Variants in DUSP16 observed in about 807,000 individuals in gnomAD.
DUSP16 encodes dual specificity protein phosphatase 16.
A neutral mutation model predicts 58.3 loss-of-function variants in DUSP16; 21 were observed. The observed-to-expected ratio is 0.36, with a 90% CI of 0.26 to 0.52. The LOEUF (loss-of-function observed/expected upper bound fraction) is 0.52. Among genes scored for constraint, DUSP16 ranks in the 20% least tolerant of loss-of-function variants. The pLI, the probability that DUSP16 is intolerant of heterozygous loss-of-function variation, is 0.94. For missense variants in DUSP16, 726 were observed against 819.0 expected (o/e 0.89, Z 1.39); for synonymous variants, 320 against 323.8 (o/e 0.99, Z 0.12).
chr12:12,486,477 T>TGA (rs994604105), intron 5 of DUSP16, among the ~76,000 whole-genome samples: 2 of 113,846 alleles, frequency 1.8e-5, no homozygotes, highest in African/African-American at 6.5e-5. Flanking sequence ...AATAACCAAA[T>TGA]GAGAGTGTGT....
chr12:12,502,713 G>A (rs1469405315), intron 3 of DUSP16, among the ~76,000 whole-genome samples: 9 of 151,814 alleles, frequency 5.9e-5, no homozygotes, highest in Non-Finnish European at 8.8e-5. Flanking sequence ...CACCACCCTC[G>A]GCTAATTTTG....
Position 12,521,346 on chromosome 12 carries a change from A to G in DUSP16, c.-248T>C, listed in dbSNP as rs1944234252. On this transcript the variant is annotated 5_prime_UTR_variant, in exon 2 of 7. An upstream start codon of the reference 5' UTR is lost. Transcript: ENST00000298573. The stretch of plus-strand genomic sequence containing the variant: ...CAAAGCAGCCCCTCACATTTGATTC[A>G]TAAAGAGATGACTGGAATAACCATT... 2.2e-6 allele frequency: 3 copies of G among 1,377,704 alleles called. No individual in the cohort carries two copies. In the Admixed American group the frequency reaches 9.2e-5, roughly 42 times the overall value. 85.3% of individuals were successfully genotyped at this position (1,377,704 alleles called of 1,614,324 possible).
At chr12:12,520,793 A>G in intron 2 of DUSP16, 78 bp downstream of exon 2, 1 of 1,531,552 alleles carries the variant, frequency 6.5e-7, no homozygotes, top group Non-Finnish European at 8.9e-7. Flanking sequence ...TCTCTACTTA[A>G]AGAGGAGGCT....
chr12:12,489,092 CAAACA>C (rs1943726332), intron 4 of DUSP16, among the ~76,000 whole-genome samples: 1 of 151,976 alleles, frequency 6.6e-6, no homozygotes, highest in African/African-American at 2.4e-5. Flanking sequence ...AACAAACACA[CAAACA>C]AAAAAGTGGA....
intron 4 of DUSP16, among the ~76,000 whole-genome samples, chr12:12,491,084 C>T (rs1005133139): frequency 9.4e-5 from 14 of 149,612 alleles, no homozygotes; most frequent in African/African-American, 3.3e-4. Context: ...GAAAAGATGT[C>T]GTGAAATCTC....
At chr12:12,505,567 C>CA (rs547179585) in intron 3 of DUSP16, among the ~76,000 whole-genome samples, 157 of 152,308 alleles carry the variant, frequency 1.0e-3, no homozygotes, top group African/African-American at 3.5e-3. Context: ...GGTCACCCCC[C>CA]ACAGAACAAC....
chr12:12,520,145 C>A (rs1592191060), intron 2 of DUSP16, 145 bp from the exon 3 acceptor site: 1 of 873,134 alleles, frequency 1.1e-6, no homozygotes, highest in Admixed American at 2.8e-5. Context: ...GAGATGTAGT[C>A]AATTTACGAG....
chr12:12,561,460 C>A (rs1290031106), intron 1 of DUSP16, among the ~76,000 whole-genome samples: 1 of 152,210 alleles, frequency 6.6e-6, no homozygotes, highest in African/African-American at 2.4e-5. Context: ...TGAAACTACA[C>A]GTGATACACA....
chr12:12,500,721 A>G (rs376564127), intron 3 of DUSP16, 39 bp from the exon 4 acceptor site: 20 of 1,478,014 alleles, frequency 1.4e-5, no homozygotes, highest in Non-Finnish European at 1.6e-5. Flanking sequence ...AAATTATGCC[A>G]CGCACAAAAT....
intron 1 of DUSP16, among the ~76,000 whole-genome samples, chr12:12,527,087 A>C (rs1206340283): frequency 1.3e-5 from 2 of 152,230 alleles, no homozygotes; most frequent in Non-Finnish European, 2.9e-5. Flanking sequence ...ATTTAGTTTT[A>C]TTTGGTTGGG....
intron 1 of DUSP16, among the ~76,000 whole-genome samples, chr12:12,548,635 AAAAAAAAAAAAAG>A (rs995444381): frequency 7.0e-6 from 1 of 143,042 alleles, no homozygotes; most frequent in Admixed American, 6.9e-5. Context: ...TGTCTCAAAA[AAAAAAAAAAAAAG>A]AAAAAGAAAA....
At chr12:12,524,340 T>C (rs1444887565) in intron 1 of DUSP16, among the ~76,000 whole-genome samples, 1 of 152,214 alleles carries the variant, frequency 6.6e-6, no homozygotes, top group Non-Finnish European at 1.5e-5. Flanking sequence ...TGAGGCCAGC[T>C]GGAGTCCTCC....
At chr12:12,488,909 A>G (rs1565984821) in intron 4 of DUSP16, among the ~76,000 whole-genome samples, 1 of 152,124 alleles carries the variant, frequency 6.6e-6, no homozygotes, top group East Asian at 1.9e-4. Flanking sequence ...GAGAAACCCC[A>G]ACTCTACTAA....
intron 1 of DUSP16, among the ~76,000 whole-genome samples, chr12:12,528,177 CCT>C (rs1159126608): frequency 1.3e-5 from 2 of 152,310 alleles, no homozygotes; most frequent in African/African-American, 4.8e-5. Context: ...CCCCTCCCAA[CCT>C]TCCTCTTTCC....
Position 12,477,161 on chromosome 12 carries a change from C to T in DUSP16, c.1670G>A (p.Trp557Ter). The change falls in exon 7 of 7, where the codon TGG (tryptophan) becomes TAG (stop). Residue 557 changes from tryptophan (W) to a stop codon, truncating the protein, a stop_gained. Coordinates refer to ENST00000298573, the MANE Select transcript of DUSP16 (RefSeq NM_030640.3). LOFTEE classifies it high-confidence loss of function. The surrounding 1 kb of genome is among the most constrained non-coding windows in gnomAD (Gnocchi z 4.1). ...QTSTPSLTSS[W>*]YFATESSHFY... ...GTGTGAGGACTCTGTGGCAAAATACCAGCTGCTGGTCAGGGAAGGGGTAGA... is the reference window on the plus strand; with the variant it reads ...GTGTGAGGACTCTGTGGCAAAATACTAGCTGCTGGTCAGGGAAGGGGTAGA... The T allele has an allele frequency of 1.2e-6, 2 of 1,614,138 alleles. No individual in the cohort carries two copies. Among genetic ancestry groups the T allele is most frequent in the Non-Finnish European group, 1.7e-6 (2 of 1,179,998 alleles).
At chr12:12,483,462 T>C (rs1943615761) in intron 5 of DUSP16, among the ~76,000 whole-genome samples, 1 of 152,146 alleles carries the variant, frequency 6.6e-6, no homozygotes, top group Non-Finnish European at 1.5e-5. Flanking sequence ...GGTAGGTATA[T>C]TACCTTCAGT....
Position 12,477,831 on chromosome 12 carries a change from C to T in DUSP16, c.1000G>A (p.Glu334Lys), listed in dbSNP as rs779032871. The change falls in exon 7 of 7, where the codon GAG (glutamate) becomes AAG (lysine). Residue 334 changes from glutamate to lysine, a missense_variant. Physicochemically the swap from Glu to Lys is moderately conservative, Grantham distance 56. Coordinates refer to ENST00000298573, the MANE Select transcript of DUSP16 (RefSeq NM_030640.3). This position sits in a 1 kb window ranked among gnomAD's most constrained non-coding sequence, Gnocchi z 4.1. ...GCACAGGGTGGACTGAGGGGCGTCT[C>T]GCTTTTCTGTCCACCCTCTGAGACA... Reference protein sequence around the residue: ...PAVSEGGQKSETPLSPPCADS... With the variant: ...PAVSEGGQKSKTPLSPPCADS... 4 of 1,614,074 alleles carry T rather than the reference C, an allele frequency of 2.5e-6. No individual in the cohort carries two copies. In the Admixed American group the frequency reaches 5.0e-5, roughly 20 times the overall value.
At chr12:12,505,148 C>T (rs1943973609) in intron 3 of DUSP16, among the ~76,000 whole-genome samples, 1 of 152,180 alleles carries the variant, frequency 6.6e-6, no homozygotes, top group African/African-American at 2.4e-5. Flanking sequence ...CTCAGAATCA[C>T]ATAATATAGG....
chr12:12,540,944 CTTTTCT>C (rs1222448140), intron 1 of DUSP16, among the ~76,000 whole-genome samples: 3 of 100,656 alleles, frequency 3.0e-5, no homozygotes, highest in African/African-American at 1.2e-4. Flanking sequence ...CTTTTCTTTT[CTTTTCT>C]TTTTTTTTTT....
Sources: allele counts gnomAD v4.1 joint callset (sites outside exome capture counted in the v4.1 genomes callset), GRCh38; gene constraint gnomAD v4.1.1; non-coding constraint Gnocchi (gnomAD v3.1); transcripts MANE v1.5; gene names NCBI Gene and HGNC (gene_info 2026-07-23, HGNC 2026-07-21).